Variants in RBFOX1 observed in about 807,000 individuals in gnomAD.
RBFOX1 encodes the protein RNA binding protein fox-1 homolog 1.
Under a neutral mutation model 57.7 loss-of-function variants are expected in RBFOX1, and 8 were observed. That is an observed-to-expected ratio of 0.14 (90% CI 0.08 to 0.25). The LOEUF (loss-of-function observed/expected upper bound fraction) is 0.25. Ranked by LOEUF, RBFOX1 falls within the 10% of genes least tolerant of loss-of-function variation. The probability of loss-of-function intolerance (pLI) is 1.00; values close to 1 mark genes in which losing one functional copy is unlikely to be tolerated. For synonymous variants in RBFOX1, 326 were observed against 222.4 expected, an observed-to-expected ratio of 1.47 and a Z score of -4.15; for missense variants, 611 against 548.5, an observed-to-expected ratio of 1.11 and a Z score of -1.14.
intron 1 of RBFOX1, among the ~76,000 whole-genome samples, chr16:6,284,758 T>G (rs1016996213): frequency 7.2e-5 from 11 of 152,174 alleles, no homozygotes; most frequent in Non-Finnish European, 1.5e-4. Flanking sequence ...TTATTTTCCC[T>G]TCTCAGTCAT....
At chr16:6,862,463 CA>C (rs1300451420) in intron 3 of RBFOX1, among the ~76,000 whole-genome samples, 2 of 152,138 alleles carry the variant, frequency 1.3e-5, no homozygotes, top group Non-Finnish European at 2.9e-5. Flanking sequence ...GAGTTATTAG[CA>C]ATATTACAGT....
At position 6,629,346 on chromosome 16, in the gene RBFOX1, A is replaced by G. The variant is rs113958107; in HGVS notation, c.-63-25257A>G. Among the ~76,000 whole-genome samples the G allele has an allele frequency of 4.8e-3, 738 of 152,342 alleles. 4 individuals are homozygous for G. Among genetic ancestry groups the G allele is most frequent in the African/African-American group, 0.017 (708 of 41,588 alleles). On this transcript the variant is annotated intron_variant, in intron 2 of 15. Coordinates refer to ENST00000550418, the MANE Select transcript of RBFOX1 (RefSeq NM_018723.4). Reference sequence around the variant, plus strand: ...GTCCAAGATAAATGGAAAGAAACACAGTGTTGCTCGTTTAATTGAGGATGT... The same window carrying G: ...GTCCAAGATAAATGGAAAGAAACACGGTGTTGCTCGTTTAATTGAGGATGT...
chr16:7,405,854 C>G lies in RBFOX1; in HGVS notation c.28-112293C>G, dbSNP rs550295398. The stretch of plus-strand genomic sequence containing the variant: ...TACCTGGAGCATTGAGATCACAGTC[C>G]TAGGTCTGTGATTCTCAGGCAGTTG... On this transcript the variant is annotated intron_variant, in intron 4 of 15. Transcript: ENST00000550418. 2.0e-5 allele frequency among the ~76,000 whole-genome samples: 3 copies of G among 152,234 alleles called. No homozygotes were observed. In the East Asian group the frequency reaches 5.8e-4, roughly 29 times the overall value.
At chr16:5,923,777 G>T (rs2058884497) in intron 4 of RBFOX1, among the ~76,000 whole-genome samples, 1 of 152,026 alleles carries the variant, frequency 6.6e-6, no homozygotes, top group African/African-American at 2.4e-5. Context: ...CTGACCTCAA[G>T]TGATGTGCCT....
chr16:7,117,127 T>C (rs1408849828), intron 4 of RBFOX1, among the ~76,000 whole-genome samples: 1 of 151,676 alleles, frequency 6.6e-6, no homozygotes, highest in African/African-American at 2.4e-5. Context: ...TTCAGTAGGG[T>C]TGAAGAAAAG....
At chr16:6,452,244 C>G (rs925989063) in intron 2 of RBFOX1, among the ~76,000 whole-genome samples, 3 of 148,664 alleles carry the variant, frequency 2.0e-5, no homozygotes. Context: ...CCTTCCATGA[C>G]TCCATCCATG....
At chr16:6,344,407 C>T (rs9922976) in intron 2 of RBFOX1, among the ~76,000 whole-genome samples, 1,790 of 109,816 alleles carry the variant, frequency 0.016, 69 homozygotes, top group African/African-American at 0.069. Flanking sequence ...TCTTTTTTTT[C>T]TTTTTTTTTT....
intron 3 of RBFOX1, among the ~76,000 whole-genome samples, chr16:6,797,734 G>T (rs1398977314): frequency 6.6e-6 from 1 of 152,042 alleles, no homozygotes; most frequent in Non-Finnish European, 1.5e-5. Flanking sequence ...TCCAAACCAC[G>T]TTGGCTCTTG....
chr16:7,645,479 C>T (rs557620692), intron 11 of RBFOX1, among the ~76,000 whole-genome samples: 3 of 152,124 alleles, frequency 2.0e-5, no homozygotes, highest in African/African-American at 2.4e-5. Flanking sequence ...ATATTTTTAT[C>T]GACACTTTTG....
At chr16:7,228,277 T>A (rs1439294272) in intron 4 of RBFOX1, among the ~76,000 whole-genome samples, 1 of 152,192 alleles carries the variant, frequency 6.6e-6, no homozygotes, top group East Asian at 1.9e-4. Context: ...AGCTGAGGAC[T>A]ATATTCATCC....
intron 3 of RBFOX1, among the ~76,000 whole-genome samples, chr16:5,626,625 G>A (rs978129491): frequency 1.3e-5 from 2 of 151,970 alleles, no homozygotes; most frequent in African/African-American, 4.8e-5. Flanking sequence ...CTCTTCTCCC[G>A]CCATGGGAAT....
intron 3 of RBFOX1, among the ~76,000 whole-genome samples, chr16:5,813,618 A>T (rs373916592): frequency 6.6e-6 from 1 of 152,234 alleles, no homozygotes; most frequent in Non-Finnish European, 1.5e-5. Flanking sequence ...AAGTCTCACT[A>T]TTGAGTTTTA....
chr16:6,370,915 A>G (rs2090341600), intron 2 of RBFOX1, among the ~76,000 whole-genome samples: 1 of 152,250 alleles, frequency 6.6e-6, no homozygotes, highest in Admixed American at 6.5e-5. Context: ...TAAAATAACA[A>G]GAAAACACAA....
intron 1 of RBFOX1, among the ~76,000 whole-genome samples, chr16:6,288,978 G>A (rs1169284494): frequency 1.3e-5 from 2 of 152,100 alleles, no homozygotes; most frequent in Non-Finnish European, 1.5e-5. Flanking sequence ...TAGCTCCAGT[G>A]GTGTGAGAAG....
At chr16:7,694,957 GAA>G (rs1199018960) in intron 14 of RBFOX1, among the ~76,000 whole-genome samples, 1 of 152,142 alleles carries the variant, frequency 6.6e-6, no homozygotes, top group Admixed American at 6.5e-5. Context: ...GATCAAACAT[GAA>G]AAAGATATTG....
intron 4 of RBFOX1, among the ~76,000 whole-genome samples, chr16:5,914,430 A>G (rs1348088076): frequency 6.6e-6 from 1 of 152,106 alleles, no homozygotes; most frequent in African/African-American, 2.4e-5. Context: ...AGGCTAGAGA[A>G]TCCCCTTCCA....
chr16:6,673,145 A>C (rs1338502187), intron 3 of RBFOX1, among the ~76,000 whole-genome samples: 1 of 152,204 alleles, frequency 6.6e-6, no homozygotes, highest in Non-Finnish European at 1.5e-5. Context: ...CCAGGTGATC[A>C]GTGATGTCTA....
intron 1 of RBFOX1, among the ~76,000 whole-genome samples, chr16:5,284,089 A>G (rs2063335750): frequency 6.6e-6 from 1 of 152,000 alleles, no homozygotes; most frequent in African/African-American, 2.4e-5. Context: ...GATGGTTTTA[A>G]AAAGGGTAGT....
intron 4 of RBFOX1, among the ~76,000 whole-genome samples, chr16:7,250,744 G>A (rs991252403): frequency 6.6e-6 from 1 of 152,138 alleles, no homozygotes; most frequent in South Asian, 2.1e-4. Context: ...ACCAGGGAGG[G>A]TCATGCTGTG....
Sources: gnomAD v4.1 joint callset for allele counts (sites outside exome capture counted in the v4.1 genomes callset) on GRCh38, gnomAD v4.1.1 for gene constraint, MANE v1.5 for transcripts, NCBI Gene and HGNC (gene_info 2026-07-23, HGNC 2026-07-21) for gene names.